The following SETD3 variants were observed in gnomAD, a reference collection of about 807,000 sequenced individuals.
The protein encoded by SETD3 is actin-histidine N-methyltransferase.
In SETD3, 19 loss-of-function variants were observed where a neutral mutation model predicts 63.0. The observed-to-expected ratio is 0.30, with a 90% CI of 0.21 to 0.44. The LOEUF is 0.44. Ranked by LOEUF, SETD3 falls within the 20% of genes least tolerant of loss-of-function variation. The pLI, the probability that SETD3 is intolerant of heterozygous loss-of-function variation, is 1.00. For synonymous variants in SETD3, 286 were observed against 264.1 expected (o/e 1.08, Z -0.80); for missense variants, 587 against 728.5 (o/e 0.81, Z 2.24).
chr14:99,412,137 A>G (rs1892027036), intron 8 of SETD3: 1 of 152,286 alleles, frequency 6.6e-6, no homozygotes. Flanking sequence ...ATATTTCAAA[A>G]TGATCTGAAA....
intron 11 of SETD3, among the ~76,000 whole-genome samples, chr14:99,403,563 C>T (rs951237545): frequency 6.6e-6 from 1 of 151,620 alleles, no homozygotes; most frequent in African/African-American, 2.4e-5. Flanking sequence ...AATAAAAACA[C>T]AACCACGAGA....
At chr14:99,413,222 A>T (rs1440489324) in intron 7 of SETD3, 157 bp from the exon 8 acceptor site, 2 of 590,290 alleles carry the variant, frequency 3.4e-6, no homozygotes, top group Non-Finnish European at 6.1e-6. Context: ...ATCATTTAAA[A>T]ACAAACCCAG....
chr14:99,417,052 A>G (rs945645300), intron 6 of SETD3, among the ~76,000 whole-genome samples: 1 of 152,266 alleles, frequency 6.6e-6, no homozygotes, highest in East Asian at 1.9e-4. Context: ...TAAGTATGAC[A>G]TTTTGAAGAA....
rs1475995241 is a variant in SETD3, at chr14:99,404,439, GCTC to G, written c.1092-132_1092-130del. 256 of 764,858 alleles carry G rather than the reference GCTC, an allele frequency of 3.3e-4. 1 individual carries two copies. In the East Asian group the frequency reaches 6.3e-3, roughly 19 times the overall value. 47.4% of individuals were successfully genotyped at this position (764,858 alleles called of 1,614,324 possible). Reference sequence around the variant, plus strand: ...AGCTGAGCTGGAATGGGTCATTCCAGCTCCTCATCTCAACTGTGAGCACGATTT... The same window carrying G: ...AGCTGAGCTGGAATGGGTCATTCCAGCTCATCTCAACTGTGAGCACGATTT... On this transcript the variant is annotated intron_variant, in intron 10 of 12. Transcript: ENST00000331768.
chr14:99,444,717 G>C (rs971141596), intron 6 of SETD3, among the ~76,000 whole-genome samples: 1 of 152,028 alleles, frequency 6.6e-6, no homozygotes, highest in Non-Finnish European at 1.5e-5. Context: ...AAAATTAGCT[G>C]GGCATGGTGG....
rs570292668 is a variant in SETD3, at chr14:99,433,464, G to C, written c.676-19530C>G. Among the ~76,000 whole-genome samples the C allele has an allele frequency of 2.9e-3, 432 of 151,516 alleles. 1 individual carries two copies. Among genetic ancestry groups the C allele is most frequent in the African/African-American group, 9.8e-3 (406 of 41,284 alleles). ...AAAGTTCTTTTTTTTTTGAGATGGA[G>C]TCTCACTCTGTTGTCCAGGCTGGAG... On this transcript the variant is annotated intron_variant, in intron 6 of 12. Coordinates refer to ENST00000331768, the MANE Select transcript of SETD3 (RefSeq NM_032233.3).
At chr14:99,435,320 T>C (rs1042367544) in intron 6 of SETD3, among the ~76,000 whole-genome samples, 1 of 152,242 alleles carries the variant, frequency 6.6e-6, no homozygotes, top group African/African-American at 2.4e-5. Flanking sequence ...TGGCAATTTC[T>C]ACCTAGAATT....
At chr14:99,409,998 A>G (rs1404069447) in intron 8 of SETD3, 4 of 458,568 alleles carry the variant, frequency 8.7e-6, no homozygotes, top group African/African-American at 2.0e-5. Flanking sequence ...TGAACCAACA[A>G]TAATTTTTTA....
intron 6 of SETD3, among the ~76,000 whole-genome samples, chr14:99,435,292 C>T (rs1156462705): frequency 1.3e-5 from 2 of 152,098 alleles, no homozygotes; most frequent in African/African-American, 4.8e-5. Flanking sequence ...TGACTCTTTC[C>T]TGCCTCTCAA....
intron 6 of SETD3, among the ~76,000 whole-genome samples, chr14:99,438,012 G>A (rs1893587243): frequency 6.6e-6 from 1 of 152,110 alleles, no homozygotes; most frequent in Non-Finnish European, 1.5e-5. Context: ...CAAGAACAAG[G>A]ACTTCAAAGC....
intron 6 of SETD3, among the ~76,000 whole-genome samples, chr14:99,448,268 G>A (rs924859771): frequency 5.3e-5 from 8 of 152,120 alleles, no homozygotes; most frequent in East Asian, 3.9e-4. Context: ...GAAGAGAGCC[G>A]ACACTGCACC....
At chr14:99,427,037 G>A (rs571709248) in intron 6 of SETD3, among the ~76,000 whole-genome samples, 2 of 152,344 alleles carry the variant, frequency 1.3e-5, no homozygotes, top group East Asian at 3.9e-4. Flanking sequence ...GCAGGCAAGA[G>A]AGCGTGGGGG....
At chr14:99,402,695 G>A (rs1891449544) in intron 11 of SETD3, among the ~76,000 whole-genome samples, 2 of 152,148 alleles carry the variant, frequency 1.3e-5, no homozygotes, top group Non-Finnish European at 2.9e-5. Flanking sequence ...TCCTACCTCA[G>A]CCTCCCGAGT....
chr14:99,467,181 A>C (rs1394323682), intron 1 of SETD3, among the ~76,000 whole-genome samples: 2 of 152,246 alleles, frequency 1.3e-5, no homozygotes, highest in Non-Finnish European at 2.9e-5. Flanking sequence ...TGTGTAACAC[A>C]TTAATATAAT....
chr14:99,442,857 G>A (rs1050077525), intron 6 of SETD3, among the ~76,000 whole-genome samples: 6 of 152,156 alleles, frequency 3.9e-5, no homozygotes, highest in African/African-American at 1.4e-4. Context: ...TCAAATGTAC[G>A]TGCTGACAGG....
chr14:99,465,986 C>T (rs1895350425), intron 1 of SETD3, among the ~76,000 whole-genome samples, 173 bp from the exon 2 acceptor site: 1 of 150,726 alleles, frequency 6.6e-6, no homozygotes, highest in African/African-American at 2.4e-5. Context: ...TAGAGGTTCT[C>T]AAATGGGAAA....
Position 99,398,804 on chromosome 14 carries a change from T to C in SETD3, c.1660A>G (p.Asn554Asp). The C allele has an allele frequency of 6.2e-7, 1 of 1,614,218 alleles. No homozygotes were observed. Among genetic ancestry groups the C allele is most frequent in the East Asian group, 2.2e-5 (1 of 44,882 alleles). ...KAKATENGLV[N>D]GENSIPNGTR... ...CCATTAGGGATAGAGTTTTCACCGT[T>C]TACAAGCCCGTTTTCTGTGGCCTTT... Residue 554 changes from asparagine to aspartate, a missense_variant, in exon 13 of 13, where the codon AAC becomes GAC. Coordinates refer to ENST00000331768, the MANE Select transcript of SETD3 (RefSeq NM_032233.3).
intron 1 of SETD3, among the ~76,000 whole-genome samples, chr14:99,474,068 C>T (rs1056235187): frequency 6.6e-6 from 1 of 152,314 alleles, no homozygotes; most frequent in Non-Finnish European, 1.5e-5. Flanking sequence ...CACCTGCAAT[C>T]CCAGCACTTT....
chr14:99,471,501 G>A (rs1383419975), intron 1 of SETD3, among the ~76,000 whole-genome samples: 2 of 152,224 alleles, frequency 1.3e-5, no homozygotes, highest in African/African-American at 4.8e-5. Context: ...GGGGCATAGT[G>A]GCACATGCCT....
Sources: gnomAD v4.1 joint callset for allele counts (sites outside exome capture counted in the v4.1 genomes callset) on GRCh38, gnomAD v4.1.1 for gene constraint, MANE v1.5 for transcripts, NCBI Gene and HGNC (gene_info 2026-07-23, HGNC 2026-07-21) for gene names.